F2: variants seen among roughly 807,000 people sequenced by gnomAD.
F2 encodes the protein prothrombin.
F2 carries 34 observed loss-of-function variants against 81.9 expected under a neutral mutation model. The ratio of observed to expected loss-of-function variants is 0.42; its 90% CI spans 0.32 to 0.55. F2 has a LOEUF of 0.55. Among genes scored for constraint, F2 ranks in the 20% least tolerant of loss-of-function variants. The probability of loss-of-function intolerance (pLI) is 0.18; values close to 1 mark genes in which losing one functional copy is unlikely to be tolerated. For synonymous variants in F2, 296 were observed against 326.4 expected (o/e 0.91, Z 1.01); for missense variants, 630 against 833.4 (o/e 0.76, Z 3.00).
rs776504352 is a variant in F2 at position 46,720,749 on chromosome 11, C to T, written c.266-41C>T. 9 of 1,611,234 alleles carry T rather than the reference C, an allele frequency of 5.6e-6. No homozygotes were observed. In the Admixed American group the frequency reaches 1.2e-4, roughly 21 times the overall value. ...CACCCTGACTCCAGCTCATCCTGGC[C>T]ATACCCCAATCCCAAAGGTAAACAC... On this transcript the variant is annotated intron_variant, in intron 3 of 13. Coordinates refer to ENST00000311907, the MANE Select transcript of F2 (RefSeq NM_000506.5).
intron 12 of F2, among the ~76,000 whole-genome samples, chr11:46,732,889 C>T (rs547951552): frequency 4.7e-4 from 71 of 152,108 alleles, no homozygotes; most frequent in Non-Finnish European, 9.1e-4. Context: ...TTGGAACCAG[C>T]CATTTCTCCA....
At chr11:46,733,062 C>A (rs2064923175) in intron 12 of F2, among the ~76,000 whole-genome samples, 1 of 152,078 alleles carries the variant, frequency 6.6e-6, no homozygotes, top group African/African-American at 2.4e-5. Flanking sequence ...ATATAAAAAA[C>A]CATGAGTTCC....
Position 46,719,855 on chromosome 11 carries a change from C to A in F2, c.233C>A (p.Thr78Lys), listed in dbSNP as rs200934494. ...EEAFEALESS[T>K]ATDVFWAKYT... ...GCCTTCGAGGCTCTGGAGTCCTCCA[C>A]GGCTACGGTGAGCCTGGGCTGCTCG... Residue 78 changes from threonine (T) to lysine (K), a missense_variant, in exon 2 of 14, where the codon ACG becomes AAG. Transcript: ENST00000311907. The surrounding 1 kb of genome is among the most constrained non-coding windows in gnomAD (Gnocchi z 4.7). 3 of 1,566,124 alleles carry A rather than the reference C, an allele frequency of 1.9e-6. No homozygotes were observed. The highest frequency in any genetic ancestry group is 2.7e-5 in the African/African-American group (2 of 73,864).
At chr11:46,738,784 G>C (rs566580844) in intron 12 of F2, among the ~76,000 whole-genome samples, 1 of 152,364 alleles carries the variant, frequency 6.6e-6, no homozygotes, top group African/African-American at 2.4e-5. Context: ...GTTGGGTGGA[G>C]AATAGACTGT....
intron 4 of F2, 65 bp downstream of exon 4, chr11:46,720,905 G>A: frequency 1.3e-6 from 2 of 1,596,714 alleles, no homozygotes; most frequent in Middle Eastern, 1.7e-4. Context: ...GAGCTCAGGG[G>A]TGGGTTTGGA....
rs1192463466 is a variant in F2 at position 46,723,151 on chromosome 11, C to T, written c.317-29C>T. On this transcript the variant is annotated intron_variant, in intron 4 of 13. Transcript: ENST00000311907. The surrounding 1 kb of genome is among the most constrained non-coding windows in gnomAD (Gnocchi z 5.6). ...AGAGAGGAAATAAGTCCCCAGGCTCCAAGGCTGACCGGGGTGGGGTCTCCG... is the reference window on the plus strand; with the variant it reads ...AGAGAGGAAATAAGTCCCCAGGCTCTAAGGCTGACCGGGGTGGGGTCTCCG... 1 of 1,606,036 alleles carries T rather than the reference C, an allele frequency of 6.2e-7. No individual in the cohort carries two copies. Among genetic ancestry groups the T allele is most frequent in the Non-Finnish European group, 8.5e-7 (1 of 1,173,020 alleles).
rs917629143 is a variant in F2 at position 46,720,706 on chromosome 11, T to C, written c.266-84T>C. 7 of 1,556,830 alleles carry C rather than the reference T, an allele frequency of 4.5e-6. No homozygotes were observed. The African/African-American group carries it at 9.5e-5, about 21-fold the overall frequency. On this transcript the variant is annotated intron_variant, in intron 3 of 13. Transcript: ENST00000311907. ...CCATCTGTTCATCCATCTTTCTGTT[T>C]CTCACCAACATCCCATCCACCCTGA...
rs776078813 is a variant in F2, at chr11:46,728,664, G to A, written c.1299G>A (p.Arg433=). 1 of 1,614,174 alleles carries A rather than the reference G, an allele frequency of 6.2e-7. No individual in the cohort carries two copies. The highest frequency in any genetic ancestry group is 1.3e-5 in the African/African-American group (1 of 75,056). ...LVRIGKHSRT[R]YERNIEKISM... is the part of the protein sequence containing the mutation. ...CATTTCTTTCTTGGGGTCTCTGCAG[G>A]TACGAGCGAAACATTGAAAAGATAT... The change falls in exon 11 of 14, where the codon AGG becomes AGA. Residue 433 remains arginine, a splice_region_variant and synonymous_variant. Coordinates refer to ENST00000311907, the MANE Select transcript of F2 (RefSeq NM_000506.5). This position sits in a 1 kb window ranked among gnomAD's most constrained non-coding sequence, Gnocchi z 5.1.
intron 12 of F2, among the ~76,000 whole-genome samples, chr11:46,733,705 TA>T (rs780884304): frequency 1.3e-5 from 2 of 151,508 alleles, no homozygotes; most frequent in Non-Finnish European, 2.9e-5. Context: ...AGGTGAGAAA[TA>T]GTATCTTGAA....
chr11:46,719,454 T>G lies in F2; in HGVS notation c.79+140T>G. The G allele has an allele frequency of 9.5e-7, 1 of 1,049,038 alleles. No homozygotes were observed. The highest frequency in any genetic ancestry group is 1.4e-6 in the Non-Finnish European group (1 of 700,466). 65.0% of individuals were successfully genotyped at this position (1,049,038 alleles called of 1,614,324 possible). A position where few individuals can be genotyped will look rare whatever the true frequency, so the allele number is the denominator to read the frequency against. The stretch of plus-strand genomic sequence containing the variant: ...CCAGGCGGCCAGCTTAGGGAAGAAG[T>G]CAGGAGCTCAGGGCTGGAAAGAGAA... On this transcript the variant is annotated intron_variant, in intron 1 of 13. Coordinates refer to ENST00000311907, the MANE Select transcript of F2 (RefSeq NM_000506.5). The surrounding 1 kb of genome is among the most constrained non-coding windows in gnomAD (Gnocchi z 4.7).
At chr11:46,739,181 GTA>G (rs1462547783) in intron 13 of F2, 63 bp downstream of exon 13, 6 of 1,613,486 alleles carry the variant, frequency 3.7e-6, no homozygotes, top group African/African-American at 1.3e-5. Context: ...AGAAACTCTA[GTA>G]TCTAGAAACA....
intron 9 of F2, 140 bp from the exon 10 acceptor site, chr11:46,727,856 G>C (rs537499551): frequency 9.2e-6 from 8 of 870,710 alleles, no homozygotes; most frequent in Non-Finnish European, 1.2e-5. Context: ...CCCCAAAGGC[G>C]GCCAGCCCAA....
Position 46,728,181 on chromosome 11 carries a change from C to T in F2, c.1298+18C>T, listed in dbSNP as rs777945837. 1.0e-5 allele frequency: 16 copies of T among 1,601,480 alleles called. No homozygotes were observed. The highest frequency in any genetic ancestry group is 6.8e-5 in the South Asian group (6 of 88,288). ...CGCACCAGGTACAGAACTGGTGGCC[C>T]GTGGGTGTCTGGCAGGGGTCTGAGT... On this transcript the variant is annotated intron_variant, in intron 10 of 13. Coordinates refer to ENST00000311907, the MANE Select transcript of F2 (RefSeq NM_000506.5). The surrounding 1 kb of genome is among the most constrained non-coding windows in gnomAD (Gnocchi z 5.1).
intron 12 of F2, among the ~76,000 whole-genome samples, chr11:46,733,727 C>T (rs776131760): frequency 5.6e-4 from 83 of 149,348 alleles, no homozygotes; most frequent in Non-Finnish European, 9.3e-4. Context: ...ATTGTTTTAA[C>T]GGACATCTTT....
Position 46,719,342 on chromosome 11 carries a change from G to GGGAGT in F2, c.79+29_79+30insGAGTG. 1.2e-6 allele frequency: 2 copies of GGGAGT among 1,604,566 alleles called. No individual in the cohort carries two copies. Among genetic ancestry groups the GGGAGT allele is most frequent in the Non-Finnish European group, 1.7e-6 (2 of 1,175,884 alleles). On this transcript the variant is annotated intron_variant, in intron 1 of 13. Transcript: ENST00000311907. The surrounding 1 kb of genome is among the most constrained non-coding windows in gnomAD (Gnocchi z 4.7). ...AAGGGAGTGCTTGCAGGCTGGAACA[G>GGGAGT]GCTGGAGGACTGGGGTGTGGGCCCA...
intron 9 of F2, among the ~76,000 whole-genome samples, chr11:46,727,714 G>C (rs2064883131): frequency 6.6e-6 from 1 of 152,104 alleles, no homozygotes; most frequent in Non-Finnish European, 1.5e-5. Flanking sequence ...GGAGGCTGAG[G>C]CTTCAGTAAG....
chr11:46,719,405 C>T lies in F2; in HGVS notation c.79+91C>T. The T allele has an allele frequency of 6.9e-7, 1 of 1,449,416 alleles. No individual in the cohort carries two copies. 89.8% of individuals were successfully genotyped at this position (1,449,416 alleles called of 1,614,324 possible). A position where few individuals can be genotyped will look rare whatever the true frequency, so the allele number is the denominator to read the frequency against. On this transcript the variant is annotated intron_variant, in intron 1 of 13. Transcript: ENST00000311907. The surrounding 1 kb of genome is among the most constrained non-coding windows in gnomAD (Gnocchi z 4.7). ...TCCTGGCTGGACAGAGCACACAGAG[C>T]TGGCCCCTAAGTAGGTCTCAGCCCC...
intron 12 of F2, among the ~76,000 whole-genome samples, chr11:46,738,454 A>G (rs770591875): frequency 6.6e-6 from 1 of 151,538 alleles, no homozygotes; most frequent in Non-Finnish European, 1.5e-5. Flanking sequence ...TTTAATTTAA[A>G]TTTTTTTCTT....
At chr11:46,724,352 G>T (rs1204937738) in intron 6 of F2, among the ~76,000 whole-genome samples, 1 of 152,138 alleles carries the variant, frequency 6.6e-6, no homozygotes, top group Non-Finnish European at 1.5e-5. Context: ...CTGGCTGGGT[G>T]GCTCTGATTC....
Sources: allele counts gnomAD v4.1 joint callset (sites outside exome capture counted in the v4.1 genomes callset), GRCh38; gene constraint gnomAD v4.1.1; non-coding constraint Gnocchi (gnomAD v3.1); transcripts MANE v1.5; gene names NCBI Gene and HGNC (gene_info 2026-07-23, HGNC 2026-07-21).